ATP2B2: variants seen among roughly 807,000 people sequenced by gnomAD.
The protein encoded by ATP2B2 is ATPase plasma membrane Ca2+ transporting 2, also known as plasma membrane calcium-transporting ATPase 2.
A neutral mutation model predicts 120.0 loss-of-function variants in ATP2B2; 15 were observed. That is an observed-to-expected ratio of 0.12 (90% CI 0.08 to 0.19). The LOEUF (loss-of-function observed/expected upper bound fraction) is 0.19, where lower values mean the gene tolerates loss of function less well. Among genes scored for constraint, ATP2B2 ranks in the 10% least tolerant of loss-of-function variants. The pLI is 1.00. For missense variants in ATP2B2, 1,045 were observed against 1,719.8 expected (o/e 0.61, Z 6.94); for synonymous variants, 694 against 700.3 (o/e 0.99, Z 0.14).
intron 3 of ATP2B2, among the ~76,000 whole-genome samples, chr3:10,526,574 C>A (rs1404221698): frequency 6.6e-6 from 1 of 152,190 alleles, no homozygotes; most frequent in Admixed American, 6.5e-5. Context: ...GCTGGCTCAA[C>A]CTCTTGGGGG....
At chr3:10,470,755 G>C (rs2064950623) in intron 1 of ATP2B2, among the ~76,000 whole-genome samples, 1 of 152,124 alleles carries the variant, frequency 6.6e-6, no homozygotes, top group African/African-American at 2.4e-5. Flanking sequence ...ATTTCCAGGG[G>C]ACAGGACCCC....
chr3:10,541,398 A>G (rs114260061), intron 2 of ATP2B2, among the ~76,000 whole-genome samples: 45 of 152,250 alleles, frequency 3.0e-4, no homozygotes, highest in African/African-American at 1.1e-3. Flanking sequence ...CTAGTTATGC[A>G]TGATGCTATA....
At chr3:10,647,987 G>A (rs1327938631) in intron 1 of ATP2B2, among the ~76,000 whole-genome samples, 2 of 152,194 alleles carry the variant, frequency 1.3e-5, no homozygotes, top group East Asian at 3.9e-4. Context: ...TAATGCACCT[G>A]AAAAGATGTC....
chr3:10,670,121 T>TA (rs1390892055), intron 1 of ATP2B2, among the ~76,000 whole-genome samples: 1 of 152,152 alleles, frequency 6.6e-6, no homozygotes, highest in Non-Finnish European at 1.5e-5. Context: ...TTGCTTAAAA[T>TA]AAAAAAAGCC....
In ATP2B2 at chr3:10,375,773, C is replaced by A. The variant is rs2061364348; in HGVS notation, c.1202-129G>T. 7.5e-6 allele frequency: 6 copies of A among 801,188 alleles called. No homozygotes were observed. The highest frequency in any genetic ancestry group is 1.1e-5 in the Non-Finnish European group (5 of 474,494). The allele number at this position is 801,188 out of a possible 1,614,324, so 49.6% of individuals were successfully genotyped here. On this transcript the variant is annotated intron_variant, in intron 10 of 22. Transcript: ENST00000360273. This position sits in a 1 kb window ranked among gnomAD's most constrained non-coding sequence, Gnocchi z 4.2. ...AGCTCACCTCCCAGCTCTGCCACTC[C>A]TTGCTTTATGACCTGTGGCAAGTTC...
In ATP2B2 at chr3:10,402,389, G is replaced by A. The variant is rs1297987658; in HGVS notation, c.398-41C>T. On this transcript the variant is annotated intron_variant, in intron 3 of 22. Coordinates refer to ENST00000360273, the MANE Select transcript of ATP2B2 (RefSeq NM_001001331.4). The surrounding 1 kb of genome is among the most constrained non-coding windows in gnomAD (Gnocchi z 4.9). ...GAAGCAGGCAGAGTGAGGTCAACCA[G>A]ACAGGAGAGGCCTCATGGGCCTGGA... is the stretch of plus-strand genomic sequence containing the variant. 3 of 1,608,628 alleles carry A rather than the reference G, an allele frequency of 1.9e-6. No individual in the cohort carries two copies. The highest frequency in any genetic ancestry group is 2.5e-6 in the Non-Finnish European group (3 of 1,179,932).
chr3:10,569,663 G>A lies in ATP2B2; in HGVS notation c.-414-35530C>T, dbSNP rs1314330643. On this transcript the variant is annotated intron_variant, in intron 2 of 21. Coordinates refer to the ATP2B2 transcript ENST00000646379. ...TCAAGGAAGAATATTAAGGTGTACC[G>A]TTCAGAGCTTTTTGGAGTGTGTGAG... Among the ~76,000 whole-genome samples, 10 of 152,168 alleles carry A rather than the reference G, an allele frequency of 6.6e-5. 1 individual carries two copies. Among genetic ancestry groups the A allele is most frequent in the African/African-American group, 1.9e-4 (8 of 41,442 alleles).
At chr3:10,531,072 C>T (rs892017781) in intron 3 of ATP2B2, among the ~76,000 whole-genome samples, 2 of 152,198 alleles carry the variant, frequency 1.3e-5, no homozygotes, top group African/African-American at 4.8e-5. Flanking sequence ...CTTATTGAGG[C>T]AGTGACTCGA....
chr3:10,703,579 G>C (rs941905756), intron 1 of ATP2B2, among the ~76,000 whole-genome samples: 1 of 152,152 alleles, frequency 6.6e-6, no homozygotes, highest in Non-Finnish European at 1.5e-5. Context: ...CTAGAACTCC[G>C]GATCAGCACA....
chr3:10,539,202 A>C (rs1276601834), intron 2 of ATP2B2, among the ~76,000 whole-genome samples: 1 of 152,230 alleles, frequency 6.6e-6, no homozygotes, highest in African/African-American at 2.4e-5. Flanking sequence ...ACTACAAACC[A>C]CTGCTCAATG....
At chr3:10,468,498 C>T (rs868187757) in intron 1 of ATP2B2, among the ~76,000 whole-genome samples, 3 of 152,338 alleles carry the variant, frequency 2.0e-5, no homozygotes, top group Middle Eastern at 3.4e-3. Context: ...CAGGGAGGAG[C>T]GGCCACCAGC....
rs1179479720 is a variant in ATP2B2 at position 10,375,442 on chromosome 3, G to A, written c.1404C>T (p.Ala468=). ...GLPLAVTISL[A]YSVKKMMKDN... The stretch of plus-strand genomic sequence containing the variant: ...CCTCCCCTCTCACCTTCACCGAATA[G>A]GCCAACGAGATGGTGACGGCCAGAG... Residue 468 remains alanine, a synonymous_variant, in exon 11 of 23, where the codon GCC becomes GCT. Transcript: ENST00000360273. The surrounding 1 kb of genome is among the most constrained non-coding windows in gnomAD (Gnocchi z 4.2). 1.2e-5 allele frequency: 19 copies of A among 1,612,098 alleles called. No individual in the cohort carries two copies. The Admixed American group carries it at 3.0e-4, about 25-fold the overall frequency.
intron 1 of ATP2B2, among the ~76,000 whole-genome samples, chr3:10,471,063 TAA>T (rs2064969500): frequency 6.6e-6 from 1 of 152,174 alleles, no homozygotes; most frequent in South Asian, 2.1e-4. Context: ...CTGCTATTTA[TAA>T]TTCTGCTGAA....
chr3:10,449,807 G>T lies in ATP2B2; in HGVS notation c.-264C>A. ...CTGTAGACCCAGGAGTCTCCATTCA[G>T]TGGGGCCCATGCTGCTCCCTGGAAC... On this transcript the variant is annotated 5_prime_UTR_variant, in exon 2 of 23. The change creates a new upstream start codon in the 5' untranslated region. Coordinates refer to ENST00000360273, the MANE Select transcript of ATP2B2 (RefSeq NM_001001331.4). 1.9e-6 allele frequency: 1 copy of T among 537,396 alleles called. No individual in the cohort carries two copies. The highest frequency in any genetic ancestry group is 3.4e-6 in the Non-Finnish European group (1 of 296,930). The allele number at this position is 537,396 out of a possible 1,614,324, so 33.3% of individuals were successfully genotyped here. A position where few individuals can be genotyped will look rare whatever the true frequency, so the allele number is the denominator to read the frequency against.
chr3:10,461,118 G>T (rs1207355686), intron 1 of ATP2B2, among the ~76,000 whole-genome samples: 1 of 152,212 alleles, frequency 6.6e-6, no homozygotes, highest in Non-Finnish European at 1.5e-5. Flanking sequence ...AGGACTCTTG[G>T]ATTCAAAGGA....
Position 10,342,677 on chromosome 3 carries a change from G to A in ATP2B2, c.2917+75C>T. The A allele has an allele frequency of 1.3e-6, 2 of 1,529,378 alleles. No individual in the cohort carries two copies. Among genetic ancestry groups the A allele is most frequent in the Non-Finnish European group, 1.8e-6 (2 of 1,107,440 alleles). The allele number at this position is 1,529,378 out of a possible 1,614,324, so 94.7% of individuals were successfully genotyped here. ...CAGGAGGGGGTTGTGACTCGAGAAT[G>A]CTGGGTGAGAGCCATGGTGCACCCA... On this transcript the variant is annotated intron_variant, in intron 19 of 22. Transcript: ENST00000360273. This position sits in a 1 kb window ranked among gnomAD's most constrained non-coding sequence, Gnocchi z 4.4.
At chr3:10,454,887 C>T (rs1240968492) in intron 1 of ATP2B2, among the ~76,000 whole-genome samples, 16 of 152,266 alleles carry the variant, frequency 1.1e-4, no homozygotes, top group African/African-American at 2.4e-4. Flanking sequence ...GAAGCCTTTC[C>T]TGACCACCTA....
At position 10,387,156 on chromosome 3, in the gene ATP2B2, G is replaced by C. The variant is rs192088846; in HGVS notation, c.908-644C>G. On this transcript the variant is annotated intron_variant, in intron 6 of 22. Coordinates refer to ENST00000360273, the MANE Select transcript of ATP2B2 (RefSeq NM_001001331.4). ...GTGCACACTCTCCTTATGTCCTCTG[G>C]GACTCTTAGTCACGACTCTTTCCTC... 3.2e-4 allele frequency among the ~76,000 whole-genome samples: 49 copies of C among 152,192 alleles called. No homozygotes were observed. In the East Asian group the frequency reaches 8.9e-3, roughly 28 times the overall value.
At chr3:10,656,832 C>A (rs1379600484) in intron 1 of ATP2B2, among the ~76,000 whole-genome samples, 1 of 152,238 alleles carries the variant, frequency 6.6e-6, no homozygotes, top group Non-Finnish European at 1.5e-5. Context: ...GAAGCCAGCC[C>A]TGGGAAGTTC....
Sources: allele counts gnomAD v4.1 joint callset (sites outside exome capture counted in the v4.1 genomes callset), GRCh38; gene constraint gnomAD v4.1.1; non-coding constraint Gnocchi (gnomAD v3.1); transcripts MANE v1.5; gene names NCBI Gene and HGNC (gene_info 2026-07-23, HGNC 2026-07-21).